PDE2A: variants seen among roughly 807,000 people sequenced by gnomAD.
PDE2A encodes the protein phosphodiesterase 2A, also known as cGMP-dependent 3',5'-cyclic phosphodiesterase.
PDE2A carries 53 observed loss-of-function variants against 133.6 expected under a neutral mutation model. The observed-to-expected ratio is 0.40, with a 90% CI of 0.32 to 0.50. The LOEUF is 0.50. PDE2A is among the 20% of genes least tolerant of loss of function. PDE2A has a pLI of 0.73. For synonymous variants in PDE2A, 491 were observed against 490.2 expected, an observed-to-expected ratio of 1.00 and a Z score of -0.02; for missense variants, 796 against 1,232.4, an observed-to-expected ratio of 0.65 and a Z score of 5.30.
At chr11:72,619,711 G>T (rs945920925) in intron 2 of PDE2A, among the ~76,000 whole-genome samples, 3 of 152,156 alleles carry the variant, frequency 2.0e-5, no homozygotes, top group Non-Finnish European at 4.4e-5. Context: ...GTGAGTGAAC[G>T]TGTGGCTGAG....
intron 1 of PDE2A, chr11:72,657,947 C>A (rs1372642997): frequency 4.4e-6 from 2 of 456,216 alleles, no homozygotes; most frequent in South Asian, 3.1e-5. Flanking sequence ...GGGCATGTCC[C>A]TCCTGATGTC....
intron 1 of PDE2A, among the ~76,000 whole-genome samples, chr11:72,651,189 G>C (rs1854731653): frequency 6.6e-6 from 1 of 152,178 alleles, no homozygotes; most frequent in Non-Finnish European, 1.5e-5. Context: ...CTGGGGTCTT[G>C]AGAATGTAGA....
chr11:72,598,787 T>C, intron 4 of PDE2A: 8 of 985,396 alleles, frequency 8.1e-6, no homozygotes, highest in Non-Finnish European at 9.6e-6. Context: ...CACGCAGCAT[T>C]CTGAACCAAA....
intron 2 of PDE2A, among the ~76,000 whole-genome samples, chr11:72,609,836 T>C (rs751786068): frequency 1.1e-4 from 15 of 137,986 alleles, no homozygotes; most frequent in Admixed American, 1.7e-4. Context: ...TCCCCATTCA[T>C]GTGAACATGA....
At chr11:72,581,231 TC>T in intron 23 of PDE2A, 125 bp downstream of exon 23, 1 of 975,048 alleles carries the variant, frequency 1.0e-6, no homozygotes, top group South Asian at 1.6e-5. Context: ...TCCCCTCTAG[TC>T]CCCTGGGGCT....
At position 72,625,431 on chromosome 11, in the gene PDE2A, C is replaced by T. The variant is rs533229385; in HGVS notation, c.145-16680G>A. Among the ~76,000 whole-genome samples, 7 of 152,316 alleles carry T rather than the reference C, an allele frequency of 4.6e-5. No homozygotes were observed. In the East Asian group the frequency reaches 1.2e-3, roughly 25 times the overall value. On this transcript the variant is annotated intron_variant, in intron 2 of 30. Coordinates refer to ENST00000334456, the MANE Select transcript of PDE2A (RefSeq NM_002599.5). ...TGGACAGGACCAGCCCAATGCTCCA[C>T]GTGAAGCTGCTGAAAGCCTGAGGAG... is the stretch of plus-strand genomic sequence containing the variant.
At chr11:72,595,835 G>A (rs190190902) in intron 6 of PDE2A, among the ~76,000 whole-genome samples, 18 of 152,166 alleles carry the variant, frequency 1.2e-4, no homozygotes, top group African/African-American at 4.1e-4. Flanking sequence ...GCAGAATCCC[G>A]TCCCCACAGG....
chr11:72,594,863 C>T (rs190571120), intron 6 of PDE2A, among the ~76,000 whole-genome samples: 2 of 152,292 alleles, frequency 1.3e-5, no homozygotes, highest in African/African-American at 4.8e-5. Flanking sequence ...AGAACACCTG[C>T]TGGCAACAGT....
intron 2 of PDE2A, among the ~76,000 whole-genome samples, chr11:72,626,370 C>T (rs1381569821): frequency 6.6e-6 from 1 of 152,232 alleles, no homozygotes; most frequent in African/African-American, 2.4e-5. Context: ...AGACAGATGG[C>T]AGGGCCTCAG....
chr11:72,632,775 C>A (rs964954287), intron 2 of PDE2A, among the ~76,000 whole-genome samples: 3 of 152,088 alleles, frequency 2.0e-5, no homozygotes, highest in South Asian at 2.1e-4. Context: ...CCAGCTCCCC[C>A]CTCACACCTC....
intron 2 of PDE2A, among the ~76,000 whole-genome samples, chr11:72,613,875 C>T (rs1421200882): frequency 6.6e-6 from 1 of 152,188 alleles, no homozygotes; most frequent in Non-Finnish European, 1.5e-5. Context: ...TCTTATCTTC[C>T]CAGAGGACAG....
intron 2 of PDE2A, among the ~76,000 whole-genome samples, chr11:72,633,021 C>T (rs1476969868): frequency 6.6e-6 from 1 of 152,190 alleles, no homozygotes. Flanking sequence ...CATAGGCCCC[C>T]CAGGCCAGCT....
chr11:72,634,426 G>C (rs956942327), intron 2 of PDE2A, among the ~76,000 whole-genome samples: 1 of 152,150 alleles, frequency 6.6e-6, no homozygotes, highest in African/African-American at 2.4e-5. Flanking sequence ...GGAGGCTGTG[G>C]GCAAAAAGGA....
intron 2 of PDE2A, among the ~76,000 whole-genome samples, chr11:72,641,853 C>A (rs1042188839): frequency 6.6e-6 from 1 of 152,154 alleles, no homozygotes; most frequent in Admixed American, 6.5e-5. Context: ...GAGGTGGAGT[C>A]CTGGATGACA....
Position 72,597,911 on chromosome 11 carries a change from G to A in PDE2A, c.324-292C>T, listed in dbSNP as rs1286392927. On this transcript the variant is annotated intron_variant, in intron 4 of 30. Coordinates refer to ENST00000334456, the MANE Select transcript of PDE2A (RefSeq NM_002599.5). The surrounding 1 kb of genome is among the most constrained non-coding windows in gnomAD (Gnocchi z 4.6). ...GGGAGAGCAGAGGAAGTGAATGCAG[G>A]GGCTCAAAGCTAGGCTGCCTGCTAC... is the stretch of plus-strand genomic sequence containing the variant. 6.6e-6 allele frequency among the ~76,000 whole-genome samples: 1 copy of A among 152,254 alleles called. No homozygotes were observed. The highest frequency in any genetic ancestry group is 1.9e-4 in the East Asian group (1 of 5,170).
rs7941968 is a variant in PDE2A, at chr11:72,639,282, T to A, written c.144+2972A>T. Reference sequence around the variant, plus strand: ...GGGACTCTTTCTCCTCCATCTGACCTGGAGTGAACACAAATAGAACTAAAT... The same window carrying A: ...GGGACTCTTTCTCCTCCATCTGACCAGGAGTGAACACAAATAGAACTAAAT... On this transcript the variant is annotated intron_variant, in intron 2 of 30. Transcript: ENST00000334456. Among the ~76,000 whole-genome samples the A allele has an allele frequency of 1.6e-3, 248 of 152,308 alleles. 1 individual carries two copies. Among genetic ancestry groups the A allele is most frequent in the African/African-American group, 5.7e-3 (238 of 41,564 alleles).
Position 72,582,473 on chromosome 11 carries a change from G to A in PDE2A, c.1822C>T (p.Arg608Cys), listed in dbSNP as rs887859320. ...GACGTGTCATCCTCGGGCAGGGAAC[G>A]AGGGGTATAGGTGAAACTTGCAAAA... ...SNFASFTYTP[R>C]SLPEDDTSMA... Residue 608 changes from arginine (R) to cysteine (C), a missense_variant, in exon 21 of 31, where the codon CGT becomes TGT. This residue lies in a region of PDE2A where 218 missense variants were observed against 465.9 expected (regional missense o/e 0.47). Transcript: ENST00000334456. 6.2e-7 allele frequency: 1 copy of A among 1,613,920 alleles called. No homozygotes were observed. Among genetic ancestry groups the A allele is most frequent in the Non-Finnish European group, 8.5e-7 (1 of 1,179,946 alleles).
chr11:72,655,053 A>C (rs1276902570), intron 1 of PDE2A, among the ~76,000 whole-genome samples: 1 of 152,178 alleles, frequency 6.6e-6, no homozygotes, highest in Admixed American at 6.5e-5. Context: ...GAATCAGGGG[A>C]AGGTGTGGGG....
At chr11:72,593,229 C>T (rs1418545322) in intron 6 of PDE2A, among the ~76,000 whole-genome samples, 1 of 152,058 alleles carries the variant, frequency 6.6e-6, no homozygotes. Context: ...AAGACATCCA[C>T]ACACCCACCC....
Sources: gnomAD v4.1 joint callset for allele counts (sites outside exome capture counted in the v4.1 genomes callset) on GRCh38, gnomAD v4.1.1 for gene constraint, gnomAD v4.1.1 regional missense constraint, Gnocchi (gnomAD v3.1) non-coding constraint, MANE v1.5 for transcripts, NCBI Gene and HGNC (gene_info 2026-07-23, HGNC 2026-07-21) for gene names.